The following HAUS4 variants were observed in gnomAD, a reference collection of about 807,000 sequenced individuals.
The protein encoded by HAUS4 is HAUS augmin-like complex subunit 4.
In HAUS4, 34 loss-of-function variants were observed where a neutral mutation model predicts 50.6. The ratio of observed to expected loss-of-function variants is 0.67; its 90% CI spans 0.51 to 0.90. The LOEUF (loss-of-function observed/expected upper bound fraction) is 0.90, where lower values mean the gene tolerates loss of function less well. Among genes scored for constraint, HAUS4 ranks in the 40% least tolerant of loss-of-function variants. The pLI, the probability that HAUS4 is intolerant of heterozygous loss-of-function variation, is 0.00. For synonymous variants in HAUS4, 149 were observed against 161.4 expected (o/e 0.92, Z 0.58); for missense variants, 370 against 428.7 (o/e 0.86, Z 1.21).
chr14:22,947,623 C>G lies in HAUS4; in HGVS notation c.817G>C (p.Gly273Arg). Residue 273 changes from glycine (G) to arginine (R), a missense_variant, in exon 8 of 10, where the codon GGT becomes CGT. Transcript: ENST00000541587. ...INAQYLEVKC[G>R]AMILKLRMEE... The stretch of plus-strand genomic sequence containing the variant: ...CACCTCAGCTTAAGGATCATAGCAC[C>G]GCACTTGACTTCCAGGTACTGGGCA... The G allele has an allele frequency of 6.2e-7, 1 of 1,614,146 alleles. No homozygotes were observed. Among genetic ancestry groups the G allele is most frequent in the Middle Eastern group, 1.6e-4 (1 of 6,062 alleles).
Position 22,947,665 on chromosome 14 carries a change from C to T in HAUS4, c.775G>A (p.Glu259Lys), listed in dbSNP as rs750312589. 9.3e-6 allele frequency: 15 copies of T among 1,614,070 alleles called. No individual in the cohort carries two copies. Among genetic ancestry groups the T allele is most frequent in the East Asian group, 6.7e-5 (3 of 44,882 alleles). Reference protein sequence around the residue: ...LQEHRLKTQSELDRINAQYLE... With the variant: ...LQEHRLKTQSKLDRINAQYLE... ...TACTGGGCATTGATGCGGTCTAGCTCGGATTGAGTCTTCAGCCGGTGTTCT... is the reference window on the plus strand; with the variant it reads ...TACTGGGCATTGATGCGGTCTAGCTTGGATTGAGTCTTCAGCCGGTGTTCT... The change falls in exon 8 of 10, where the codon GAG (glutamate) becomes AAG (lysine). Residue 259 changes from glutamate to lysine, a missense_variant. Physicochemically the swap from Glu to Lys is moderately conservative, Grantham distance 56. Transcript: ENST00000541587.
Position 22,950,518 on chromosome 14 carries a change from T to C in HAUS4, c.466-108A>G, listed in dbSNP as rs77429086. 1,209 of 625,790 alleles carry C rather than the reference T, an allele frequency of 1.9e-3. 5 individuals carry two copies. Among genetic ancestry groups the C allele is most frequent in the African/African-American group, 0.019 (1,056 of 55,352 alleles). 38.8% of individuals were successfully genotyped at this position (625,790 alleles called of 1,614,324 possible). On this transcript the variant is annotated intron_variant, in intron 5 of 9. Transcript: ENST00000541587. The stretch of plus-strand genomic sequence containing the variant: ...CTCAATAATAGCCAAAGAAAATGCA[T>C]CAAGAGACATCAGAGAGACTCATTT...
intron 6 of HAUS4, among the ~76,000 whole-genome samples, chr14:22,948,469 C>A (rs1295329063): frequency 9.0e-6 from 1 of 110,952 alleles, no homozygotes; most frequent in Non-Finnish European, 1.9e-5. Flanking sequence ...GGGGGGAGGG[C>A]ATCTGGTTCT....
At chr14:22,956,530 C>A (rs1488010210) in intron 1 of HAUS4, among the ~76,000 whole-genome samples, 1 of 152,098 alleles carries the variant, frequency 6.6e-6, no homozygotes, top group East Asian at 1.9e-4. Context: ...TTTTAGGGTG[C>A]CTTTCTTTAC....
intron 1 of HAUS4, among the ~76,000 whole-genome samples, chr14:22,955,887 T>C (rs1008663479): frequency 6.6e-6 from 1 of 150,676 alleles, no homozygotes; most frequent in African/African-American, 2.4e-5. Flanking sequence ...GAACATGGAG[T>C]GCGCTGAAAG....
chr14:22,955,330 C>T, intron 1 of HAUS4, 154 bp from the exon 2 acceptor site: 1 of 629,280 alleles, frequency 1.6e-6, no homozygotes, highest in Non-Finnish European at 2.8e-6. Flanking sequence ...CATCCTGGGT[C>T]CCAAGCTCTT....
At chr14:22,955,941 C>T (rs2044855441) in intron 1 of HAUS4, among the ~76,000 whole-genome samples, 1 of 152,134 alleles carries the variant, frequency 6.6e-6, no homozygotes, top group African/African-American at 2.4e-5. Flanking sequence ...CACAGTTTGA[C>T]CTCAGGAGAC....
At chr14:22,953,820 C>A (rs1195432639) in intron 2 of HAUS4, among the ~76,000 whole-genome samples, 2 of 146,600 alleles carry the variant, frequency 1.4e-5, no homozygotes. Context: ...TTAGTAGAGG[C>A]GGGGTTTCAC....
In HAUS4 at chr14:22,951,481, CA is replaced by C. The variant is rs750606686; in HGVS notation, c.465+73del. 6.5e-5 allele frequency: 100 copies of C among 1,527,380 alleles called. No homozygotes were observed. The Middle Eastern group carries it at 1.2e-3, about 18-fold the overall frequency. 94.6% of individuals were successfully genotyped at this position (1,527,380 alleles called of 1,614,324 possible). ...TTTTTACAAAAACAATAAAGCTTGA[CA>C]AAAAAAACATTTTAAAGATATGGGA... On this transcript the variant is annotated intron_variant, in intron 5 of 9. Coordinates refer to ENST00000541587, the MANE Select transcript of HAUS4 (RefSeq NM_001166269.2).
intron 6 of HAUS4, among the ~76,000 whole-genome samples, chr14:22,949,628 A>C (rs1594542145): frequency 6.6e-6 from 1 of 152,288 alleles, no homozygotes; most frequent in East Asian, 1.9e-4. Flanking sequence ...CTGAAATATG[A>C]ATACTACGTC....
Position 22,947,699 on chromosome 14 carries a change from C to G in HAUS4, c.741G>C (p.Arg247Ser), listed in dbSNP as rs146778701. ...VLLRCLTLLQ[R>S]LLQEHRLKTQ... is the part of the protein sequence containing the mutation. ...TCTTCAGCCGGTGTTCTTGAAGAAGCCTCTGCAGCAAAGTGAGGCAGCGGA... is the reference window on the plus strand; with the variant it reads ...TCTTCAGCCGGTGTTCTTGAAGAAGGCTCTGCAGCAAAGTGAGGCAGCGGA... Residue 247 changes from arginine to serine, a missense_variant, in exon 8 of 10, where the codon AGG becomes AGC. Transcript: ENST00000541587. 1.9e-6 allele frequency: 3 copies of G among 1,613,990 alleles called. No homozygotes were observed. Among genetic ancestry groups the G allele is most frequent in the Non-Finnish European group, 2.5e-6 (3 of 1,180,006 alleles).
Position 22,946,701 on chromosome 14 carries a change from A to G in HAUS4, c.916T>C (p.Leu306=). ...TCCTGTAGGTGAATGGCTCCCTCCA[A>G]ACGGTCCCTAAGAGCCCGGGCAGAG... The part of the protein sequence containing the change: ...VEVHRLIRDR[L]EGAIHLQEQD... Residue 306 remains leucine (L), a synonymous_variant, in exon 10 of 10, where the codon TTG becomes CTG. Transcript: ENST00000541587. The G allele has an allele frequency of 1.2e-6, 2 of 1,610,002 alleles. No individual in the cohort carries two copies. Among genetic ancestry groups the G allele is most frequent in the South Asian group, 2.2e-5 (2 of 90,572 alleles).
At chr14:22,948,187 G>A (rs1171474170) in intron 6 of HAUS4, 174 bp from the exon 7 acceptor site, 21 of 654,486 alleles carry the variant, frequency 3.2e-5, no homozygotes, top group Non-Finnish European at 4.0e-5. Flanking sequence ...GGTGGCTTAC[G>A]CCTGCAATCC....
At chr14:22,955,715 T>G (rs1395545266) in intron 1 of HAUS4, among the ~76,000 whole-genome samples, 3 of 151,660 alleles carry the variant, frequency 2.0e-5, no homozygotes, top group African/African-American at 2.4e-5. Flanking sequence ...GAATGACAAA[T>G]CATTCCACAC....
At chr14:22,948,596 C>T (rs549878537) in intron 6 of HAUS4, among the ~76,000 whole-genome samples, 131 of 151,824 alleles carry the variant, frequency 8.6e-4, no homozygotes, top group Non-Finnish European at 1.4e-3. Context: ...AGTGCAGTGG[C>T]GCGATCTCAG....
chr14:22,947,819 C>T, intron 7 of HAUS4, 49 bp downstream of exon 7: 2 of 1,609,928 alleles, frequency 1.2e-6, no homozygotes, highest in East Asian at 4.5e-5. Flanking sequence ...CCCAAAAGTG[C>T]TCCTGGGGTC....
At chr14:22,956,013 T>C (rs2044857051) in intron 1 of HAUS4, among the ~76,000 whole-genome samples, 3 of 152,158 alleles carry the variant, frequency 2.0e-5, no homozygotes, top group Admixed American at 6.6e-5. Context: ...CTGCAAGGTA[T>C]CAAACTCCAA....
intron 5 of HAUS4, among the ~76,000 whole-genome samples, chr14:22,950,870 T>C (rs1031466083): frequency 2.0e-5 from 3 of 152,220 alleles, no homozygotes; most frequent in Non-Finnish European, 4.4e-5. Context: ...CTAGCAGAGA[T>C]TTAAACTGAT....
chr14:22,948,054 G>A (rs1439640947), intron 6 of HAUS4, 41 bp from the exon 7 acceptor site: 22 of 1,544,220 alleles, frequency 1.4e-5, no homozygotes, highest in Non-Finnish European at 1.7e-5. Flanking sequence ...AACCCTAATC[G>A]CTACAATCCC....
Sources: allele counts gnomAD v4.1 joint callset (sites outside exome capture counted in the v4.1 genomes callset), GRCh38; gene constraint gnomAD v4.1.1; transcripts MANE v1.5; gene names NCBI Gene and HGNC (gene_info 2026-07-23, HGNC 2026-07-21).